Variants in ASPH observed in about 807,000 individuals in gnomAD.
ASPH encodes the protein aspartyl/asparaginyl beta-hydroxylase.
A neutral mutation model predicts 118.4 loss-of-function variants in ASPH; 100 were observed. That is an observed-to-expected ratio of 0.84 (90% CI 0.72 to 1.00). The LOEUF (loss-of-function observed/expected upper bound fraction) is 1.00. ASPH is among the 50% of genes least tolerant of loss of function. ASPH has a pLI of 0.00. For synonymous variants in ASPH, 315 were observed against 325.6 expected (o/e 0.97, Z 0.35); for missense variants, 920 against 919.5 (o/e 1.00, Z -0.01).
At chr8:61,665,010 A>G (rs745712567) in intron 3 of ASPH, 78 of 1,240,820 alleles carry the variant, frequency 6.3e-5, no homozygotes, top group Non-Finnish European at 7.5e-5. Flanking sequence ...ATCTGAATAC[A>G]TGATCAATAA....
At chr8:61,638,250 A>C (rs1858767025) in intron 11 of ASPH, 72 bp downstream of exon 11, 2 of 1,528,776 alleles carry the variant, frequency 1.3e-6, no homozygotes, top group Non-Finnish European at 1.8e-6. Flanking sequence ...TCTTTGTTCC[A>C]CAGGTAGGAG....
At chr8:61,638,860 G>A (rs1244698326) in intron 10 of ASPH, among the ~76,000 whole-genome samples, 1 of 152,138 alleles carries the variant, frequency 6.6e-6, no homozygotes, top group African/African-American at 2.4e-5. Context: ...TCTGCTGCAA[G>A]GAAGTCTCAT....
At chr8:61,621,452 T>C (rs1850909541) in intron 13 of ASPH, among the ~76,000 whole-genome samples, 2 of 152,188 alleles carry the variant, frequency 1.3e-5, no homozygotes. Flanking sequence ...CTTACCCCAC[T>C]AGCACTCTGC....
chr8:61,536,037 CTT>C (rs34022613), intron 21 of ASPH, among the ~76,000 whole-genome samples: 15 of 128,386 alleles, frequency 1.2e-4, no homozygotes, highest in South Asian at 4.9e-4. Flanking sequence ...AAACAGGTGA[CTT>C]TTTTTTTTTT....
chr8:61,584,071 T>C (rs376680443), intron 14 of ASPH, 42 bp from the exon 15 acceptor site: 1 of 1,232,458 alleles, frequency 8.1e-7, no homozygotes, highest in South Asian at 1.3e-5. Context: ...GTTTTTTGAC[T>C]AGAAATAGTT....
Position 61,585,639 on chromosome 8 carries a change from GCAAA to G in ASPH, c.977-1614_977-1611del, listed in dbSNP as rs1361499240. ...ATGCCAAAGTTTCTGCCATCTTACA[GCAAA>G]CAAACAAACCAGCCTACCCTCCTCT... On this transcript the variant is annotated intron_variant, in intron 14 of 24. Transcript: ENST00000379454. 5.3e-5 allele frequency among the ~76,000 whole-genome samples: 8 copies of G among 152,142 alleles called. No individual in the cohort carries two copies. In the East Asian group the frequency reaches 5.8e-4, roughly 11 times the overall value.
At chr8:61,701,555 T>A (rs1340403215) in intron 1 of ASPH, among the ~76,000 whole-genome samples, 1 of 152,216 alleles carries the variant, frequency 6.6e-6, no homozygotes, top group Non-Finnish European at 1.5e-5. Context: ...AAAGCAAATA[T>A]GTGATTGAAA....
chr8:61,691,614 A>G (rs1236201484), intron 1 of ASPH, among the ~76,000 whole-genome samples: 1 of 152,132 alleles, frequency 6.6e-6, no homozygotes, highest in Non-Finnish European at 1.5e-5. Flanking sequence ...ACCACTAGAA[A>G]CCAAACCCCT....
chr8:61,690,029 A>G (rs760372122), intron 1 of ASPH, among the ~76,000 whole-genome samples: 1 of 152,334 alleles, frequency 6.6e-6, no homozygotes, highest in Non-Finnish European at 1.5e-5. Context: ...GCTGAAAAAA[A>G]ATGAAATGGA....
Position 61,667,025 on chromosome 8 carries a change from C to G in ASPH, c.323-13365G>C, listed in dbSNP as rs183522951. Among the ~76,000 whole-genome samples the G allele has an allele frequency of 2.5e-3, 378 of 149,998 alleles. 2 individuals are homozygous for G. Among genetic ancestry groups the G allele is most frequent in the African/African-American group, 8.7e-3 (355 of 41,004 alleles). On this transcript the variant is annotated intron_variant, in intron 3 of 24. Transcript: ENST00000379454. ...TAAGATGGTGAAAATTGTTTTCATC[C>G]CCAGAAATTATTCAGAAGAGATAGG...
At chr8:61,701,368 T>C (rs1383529995) in intron 1 of ASPH, among the ~76,000 whole-genome samples, 3 of 152,206 alleles carry the variant, frequency 2.0e-5, no homozygotes, top group Non-Finnish European at 4.4e-5. Context: ...TCAATGTTAC[T>C]CTATCCTACC....
At chr8:61,646,933 C>T (rs571938420) in intron 5 of ASPH, 55 bp from the exon 6 acceptor site, 2 of 1,608,238 alleles carry the variant, frequency 1.2e-6, no homozygotes, top group South Asian at 2.2e-5. Flanking sequence ...ATGAAAGCCC[C>T]TTGTGAAGGG....
At chr8:61,517,259 C>A in intron 24 of ASPH, 1 of 391,380 alleles carries the variant, frequency 2.6e-6, no homozygotes, top group Non-Finnish European at 4.6e-6. Flanking sequence ...CATCTGTCTA[C>A]CCAGAGAGAG....
At chr8:61,632,601 C>T (rs942664401) in intron 13 of ASPH, 5 of 467,930 alleles carry the variant, frequency 1.1e-5, no homozygotes, top group Non-Finnish European at 1.7e-5. Flanking sequence ...GTCAATTTCT[C>T]CATGGACTGC....
At chr8:61,528,964 T>C (rs2129629530) in intron 21 of ASPH, among the ~76,000 whole-genome samples, 1 of 152,216 alleles carries the variant, frequency 6.6e-6, no homozygotes, top group East Asian at 1.9e-4. Flanking sequence ...TACTATCTAG[T>C]CCATTTTGAT....
At chr8:61,645,931 T>C (rs1464896971) in intron 6 of ASPH, among the ~76,000 whole-genome samples, 1 of 152,186 alleles carries the variant, frequency 6.6e-6, no homozygotes, top group Non-Finnish European at 1.5e-5. Flanking sequence ...ATGCCTGCAA[T>C]CCCAACACTT....
chr8:61,615,572 T>C (rs1848736936), intron 14 of ASPH, among the ~76,000 whole-genome samples: 1 of 152,210 alleles, frequency 6.6e-6, no homozygotes, highest in South Asian at 2.1e-4. Context: ...ATGTACTCAA[T>C]AAATGGATGA....
intron 21 of ASPH, among the ~76,000 whole-genome samples, chr8:61,539,169 G>A (rs1021230529): frequency 2.0e-5 from 3 of 152,126 alleles, no homozygotes; most frequent in African/African-American, 4.8e-5. Context: ...TGAACCCGGA[G>A]GGCGGAGGTT....
intron 8 of ASPH, among the ~76,000 whole-genome samples, chr8:61,643,718 A>G (rs1352719012): frequency 1.3e-5 from 2 of 152,360 alleles, no homozygotes; most frequent in East Asian, 3.9e-4. Flanking sequence ...TACAAAGACC[A>G]AAGTCTCAAC....
Sources: allele counts gnomAD v4.1 joint callset (sites outside exome capture counted in the v4.1 genomes callset), GRCh38; gene constraint gnomAD v4.1.1; transcripts MANE v1.5; gene names NCBI Gene and HGNC (gene_info 2026-07-23, HGNC 2026-07-21).